TMEM120B: variants seen among roughly 807,000 people sequenced by gnomAD.
TMEM120B encodes transmembrane protein 120B.
TMEM120B carries 31 observed loss-of-function variants against 55.5 expected under a neutral mutation model. The ratio of observed to expected loss-of-function variants is 0.56; its 90% confidence interval spans 0.42 to 0.75. The LOEUF is 0.75. TMEM120B is among the 30% of genes least tolerant of loss of function. TMEM120B has a pLI of 0.00. For synonymous variants in TMEM120B, 203 were observed against 176.3 expected, an observed-to-expected ratio of 1.15 and a Z score of -1.20; for missense variants, 399 against 425.5, an observed-to-expected ratio of 0.94 and a Z score of 0.55.
intron 5 of TMEM120B, among the ~76,000 whole-genome samples, chr12:121,757,320 C>T (rs1159931319): frequency 1.3e-5 from 2 of 151,698 alleles, no homozygotes; most frequent in African/African-American, 4.8e-5. Flanking sequence ...CACCACCACA[C>T]CCGGATAATT....
chr12:121,752,469 A>C (rs548862195), intron 5 of TMEM120B, among the ~76,000 whole-genome samples: 2 of 152,134 alleles, frequency 1.3e-5, no homozygotes, highest in African/African-American at 2.4e-5. Flanking sequence ...GAAGGAGTTC[A>C]TTACCTGGCG....
At chr12:121,717,244 T>C (rs1894718579) in intron 1 of TMEM120B, among the ~76,000 whole-genome samples, 1 of 152,284 alleles carries the variant, frequency 6.6e-6, no homozygotes, top group African/African-American at 2.4e-5. Context: ...GGAAACCTGA[T>C]CTCGTTCCTC....
chr12:121,730,443 G>A (rs1340912716), intron 1 of TMEM120B, among the ~76,000 whole-genome samples: 6 of 147,608 alleles, frequency 4.1e-5, no homozygotes, highest in African/African-American at 1.5e-4. Context: ...TCAGGAGATC[G>A]AGACCATCCT....
intron 5 of TMEM120B, among the ~76,000 whole-genome samples, chr12:121,753,146 C>G (rs184618760): frequency 1.3e-5 from 2 of 151,964 alleles, no homozygotes; most frequent in Non-Finnish European, 2.9e-5. Flanking sequence ...GTCACCAGTA[C>G]GGAGCCAGGC....
At position 121,770,571 on chromosome 12, in the gene TMEM120B, C is replaced by T. The variant is rs76357413; in HGVS notation, c.552-336C>T. Among the ~76,000 whole-genome samples the T allele has an allele frequency of 4.9e-4, 75 of 151,546 alleles. No homozygotes were observed. The East Asian group carries it at 0.012, about 24-fold the overall frequency. Reference sequence around the variant, plus strand: ...AAGACCTGGTGGGGAGGACAGGAGCCGTGCCTGGAGCGCCCGCGTGCTGGG... The same window carrying T: ...AAGACCTGGTGGGGAGGACAGGAGCTGTGCCTGGAGCGCCCGCGTGCTGGG... On this transcript the variant is annotated intron_variant, in intron 6 of 11. Transcript: ENST00000449592.
At chr12:121,740,239 C>G (rs61952255) in intron 1 of TMEM120B, among the ~76,000 whole-genome samples, 23,258 of 151,996 alleles carry the variant, frequency 0.15, 1,915 homozygotes, top group African/African-American at 0.19. Context: ...AATCCCAGCA[C>G]TTTGGGAGGC....
chr12:121,750,634 C>T (rs1356422699), intron 4 of TMEM120B, among the ~76,000 whole-genome samples, 195 bp downstream of exon 4: 2 of 138,488 alleles, frequency 1.4e-5, no homozygotes, highest in African/African-American at 2.7e-5. Context: ...CACACCCACA[C>T]CCCACACTGC....
intron 5 of TMEM120B, among the ~76,000 whole-genome samples, chr12:121,753,114 AGG>A (rs56902101): frequency 0.087 from 13,192 of 152,022 alleles, 1,025 homozygotes; most frequent in African/African-American, 0.21. Flanking sequence ...TCTGAACAAA[AGG>A]GAGAGAGAAA....
intron 1 of TMEM120B, among the ~76,000 whole-genome samples, chr12:121,734,113 C>T (rs943293789): frequency 2.6e-5 from 4 of 152,014 alleles, no homozygotes; most frequent in Non-Finnish European, 5.9e-5. Flanking sequence ...CTGCCTGATG[C>T]TCGTGGATTC....
chr12:121,748,302 C>T, intron 2 of TMEM120B, 24 bp from the exon 3 acceptor site: 1 of 1,587,052 alleles, frequency 6.3e-7, no homozygotes. Context: ...GCCCCTTCCC[C>T]TGTGCCTGCA....
chr12:121,754,225 C>A (rs549411520), intron 5 of TMEM120B, among the ~76,000 whole-genome samples: 38 of 152,216 alleles, frequency 2.5e-4, no homozygotes, highest in Non-Finnish European at 5.6e-4. Context: ...AGGCTGCACA[C>A]ATCTGTACTA....
intron 1 of TMEM120B, among the ~76,000 whole-genome samples, chr12:121,716,189 T>C (rs1894698900): frequency 6.6e-6 from 1 of 151,122 alleles, no homozygotes; most frequent in South Asian, 2.1e-4. Flanking sequence ...ATGGTTGTGG[T>C]CCCAGCTACT....
At chr12:121,753,948 C>G (rs1873407299) in intron 5 of TMEM120B, among the ~76,000 whole-genome samples, 1 of 152,218 alleles carries the variant, frequency 6.6e-6, no homozygotes, top group South Asian at 2.1e-4. Flanking sequence ...CCAAGTGCAG[C>G]ACAGCCATGC....
At chr12:121,727,917 G>A (rs551336681) in intron 1 of TMEM120B, among the ~76,000 whole-genome samples, 14 of 150,732 alleles carry the variant, frequency 9.3e-5, no homozygotes, top group African/African-American at 3.1e-4. Context: ...TGAGTCCAAG[G>A]TTCAGAGCTT....
chr12:121,759,650 C>A (rs1482561342), intron 5 of TMEM120B, among the ~76,000 whole-genome samples: 2 of 151,910 alleles, frequency 1.3e-5, no homozygotes, highest in East Asian at 3.9e-4. Flanking sequence ...TGCACTCCAG[C>A]CTGGGTGAAA....
rs1329996777 is a variant in TMEM120B, at chr12:121,758,608, C to T, written c.462-3041C>T. On this transcript the variant is annotated intron_variant, in intron 5 of 11. Transcript: ENST00000449592. ...GTGGTCACCATGGAGGAGGACGGCC[C>T]AGCCCCGCGCTGTGGTCACCATGGA... 27 of 955,548 alleles carry T rather than the reference C, an allele frequency of 2.8e-5. No individual in the cohort carries two copies. In the Admixed American group the frequency reaches 3.1e-4, roughly 11 times the overall value. The allele number at this position is 955,548 out of a possible 1,614,324, so 59.2% of individuals were successfully genotyped here.
rs964893848 is a variant in TMEM120B at position 121,767,865 on chromosome 12, C to T, written c.552-3042C>T. 2.0e-5 allele frequency among the ~76,000 whole-genome samples: 3 copies of T among 152,312 alleles called. No homozygotes were observed. The South Asian group carries it at 6.2e-4, about 32-fold the overall frequency. Reference sequence around the variant, plus strand: ...AATGAAAAGCTGCTGCTCAGTCAGGCTTGTTGCCTGGAGTCTGTGTCTGCC... The same window carrying T: ...AATGAAAAGCTGCTGCTCAGTCAGGTTTGTTGCCTGGAGTCTGTGTCTGCC... On this transcript the variant is annotated intron_variant, in intron 6 of 11. Transcript: ENST00000449592.
chr12:121,771,371 C>A, intron 7 of TMEM120B, 117 bp from the exon 8 acceptor site: 1 of 891,868 alleles, frequency 1.1e-6, no homozygotes, highest in South Asian at 1.4e-5. Context: ...GAAGTCTGGA[C>A]CTCAGTTTGA....
chr12:121,737,551 G>A (rs150016066), intron 1 of TMEM120B, among the ~76,000 whole-genome samples: 7 of 152,110 alleles, frequency 4.6e-5, no homozygotes, highest in African/African-American at 1.2e-4. Flanking sequence ...ATGAGGTTGC[G>A]TTGGGACTCA....
Sources: allele counts gnomAD v4.1 joint callset (sites outside exome capture counted in the v4.1 genomes callset), GRCh38; gene constraint gnomAD v4.1.1; transcripts MANE v1.5; gene names NCBI Gene and HGNC (gene_info 2026-07-23, HGNC 2026-07-21).